Variants in RANBP2 observed in about 807,000 individuals in gnomAD.
The protein encoded by RANBP2 is E3 SUMO-protein ligase RanBP2.
A neutral mutation model predicts 303.6 loss-of-function variants in RANBP2; 57 were observed. That is an observed-to-expected ratio of 0.19 (90% confidence interval 0.15 to 0.23). The LOEUF (loss-of-function observed/expected upper bound fraction) is 0.23. RANBP2 is among the 10% of genes least tolerant of loss of function. RANBP2 has a pLI of 1.00. For synonymous variants in RANBP2, 1,167 were observed against 1,301.5 expected, an observed-to-expected ratio of 0.90 and a Z score of 2.23; for missense variants, 3,138 against 3,780.8, an observed-to-expected ratio of 0.83 and a Z score of 4.46.
At chr2:108,945,207 C>T in the RANBP2 span, among the ~76,000 whole-genome samples, 1 of 152,138 alleles carries the variant, frequency 6.6e-6, no homozygotes, top group Non-Finnish European at 1.5e-5. Context: ...GGGGCGAGCT[C>T]CCCGTCCTGG....
chr2:109,107,749 C>CT, the RANBP2 span, among the ~76,000 whole-genome samples: 4 of 151,628 alleles, frequency 2.6e-5, no homozygotes, highest in South Asian at 2.1e-4. Context: ...CTTTTTTTTT[C>CT]TTTTTTTTGA....
the RANBP2 span, among the ~76,000 whole-genome samples, chr2:108,853,931 A>AT: frequency 3.2e-5 from 4 of 123,940 alleles, no homozygotes; most frequent in African/African-American, 1.3e-4. Flanking sequence ...TATTATATAT[A>AT]ATTTATATAT....
At chr2:109,577,767 GC>G in the RANBP2 span, among the ~76,000 whole-genome samples, 11 of 151,484 alleles carry the variant, frequency 7.3e-5, no homozygotes, top group Admixed American at 7.2e-4. Flanking sequence ...ACAAAAATTA[GC>G]CAGGTGGGGT....
At chr2:108,934,926 C>T in the RANBP2 span, among the ~76,000 whole-genome samples, 1 of 152,226 alleles carries the variant, frequency 6.6e-6, no homozygotes, top group Admixed American at 6.5e-5. Flanking sequence ...TGCTGCTTAA[C>T]TTGTGGAACT....
At chr2:109,473,115 A>C in the RANBP2 span, among the ~76,000 whole-genome samples, 1 of 152,232 alleles carries the variant, frequency 6.6e-6, no homozygotes, top group Admixed American at 6.5e-5. Flanking sequence ...CCTGGCATTT[A>C]ATCGCCCCTC....
the RANBP2 span, among the ~76,000 whole-genome samples, chr2:109,369,715 G>A: frequency 6.6e-6 from 1 of 152,156 alleles, no homozygotes; most frequent in Admixed American, 6.5e-5. Context: ...CCCTCCTTCT[G>A]TGTGATCCCA....
the RANBP2 span, among the ~76,000 whole-genome samples, chr2:109,167,012 A>G: frequency 6.6e-6 from 1 of 152,194 alleles, no homozygotes; most frequent in Non-Finnish European, 1.5e-5. Flanking sequence ...AGCAATGCTA[A>G]AAGAACAATA....
the RANBP2 span, among the ~76,000 whole-genome samples, chr2:109,170,533 A>G: frequency 6.6e-6 from 1 of 151,852 alleles, no homozygotes; most frequent in Admixed American, 6.6e-5. Flanking sequence ...TTTAGTAGAG[A>G]TGGGGTTTCA....
the RANBP2 span, chr2:109,127,326 C>G: frequency 6.6e-6 from 1 of 152,042 alleles, no homozygotes; most frequent in Admixed American, 6.6e-5. Context: ...GAGACGTATC[C>G]TTTCATTAAT....
chr2:109,210,121 G>A, the RANBP2 span, among the ~76,000 whole-genome samples: 6 of 152,108 alleles, frequency 3.9e-5, no homozygotes, highest in African/African-American at 9.7e-5. Flanking sequence ...CGACATAGCC[G>A]CATGCGTCAC....
rs780734900 is a variant in RANBP2, at chr2:108,751,918, A to G, written c.1679A>G (p.Asn560Ser). The G allele has an allele frequency of 3.5e-5, 57 of 1,611,878 alleles. No homozygotes were observed. Among genetic ancestry groups the G allele is most frequent in the Middle Eastern group, 4.5e-4 (2 of 4,452 alleles). Residue 560 changes from asparagine (N) to serine (S), a missense_variant, in exon 12 of 29, where the codon AAC (asparagine) becomes AGC (serine). Coordinates refer to ENST00000283195, the MANE Select transcript of RANBP2 (RefSeq NM_006267.5). ...KLRLLVQHEI[N>S]TLRAQEKHGL... The stretch of plus-strand genomic sequence containing the variant: ...AGACTTCTAGTTCAGCATGAAATAA[A>G]CACTCTAAGAGCCCAGGAAAAACAT...
the RANBP2 span, among the ~76,000 whole-genome samples, chr2:109,376,838 A>G: frequency 6.6e-6 from 1 of 152,250 alleles, no homozygotes; most frequent in East Asian, 1.9e-4. Flanking sequence ...CATCTCTGAC[A>G]GTAAAGGGCG....
chr2:109,129,159 G>T, the RANBP2 span: 1 of 410,540 alleles, frequency 2.4e-6, no homozygotes, highest in Non-Finnish European at 4.7e-6. Context: ...GCCGCTGCCC[G>T]CACTTCCTGC....
At chr2:109,204,371 CTT>C in the RANBP2 span, among the ~76,000 whole-genome samples, 11 of 152,212 alleles carry the variant, frequency 7.2e-5, no homozygotes, top group Middle Eastern at 3.2e-3. Flanking sequence ...CTTATCTTAT[CTT>C]TTAAATCATT....
At chr2:109,613,225 G>GT in the RANBP2 span, 3 of 1,275,694 alleles carry the variant, frequency 2.4e-6, no homozygotes, top group Non-Finnish European at 3.1e-6. Context: ...ATCTACAAAA[G>GT]TAACTGGAAA....
the RANBP2 span, among the ~76,000 whole-genome samples, chr2:109,463,674 G>A: frequency 6.6e-6 from 1 of 152,200 alleles, no homozygotes; most frequent in Admixed American, 6.5e-5. Flanking sequence ...AAGAGGAGAT[G>A]TTCATGTTTG....
the RANBP2 span, among the ~76,000 whole-genome samples, chr2:108,792,308 T>C: frequency 6.6e-6 from 1 of 152,222 alleles, no homozygotes; most frequent in Non-Finnish European, 1.5e-5. Flanking sequence ...TTTTCCTCTT[T>C]TCCCTCTCCT....
chr2:108,867,348 G>A, the RANBP2 span, among the ~76,000 whole-genome samples: 2 of 152,110 alleles, frequency 1.3e-5, no homozygotes, highest in Non-Finnish European at 2.9e-5. Context: ...TTTAGGAATT[G>A]AAAAAGCAAG....
the RANBP2 span, among the ~76,000 whole-genome samples, chr2:109,110,512 A>C: frequency 1.3e-5 from 2 of 152,202 alleles, no homozygotes; most frequent in Non-Finnish European, 2.9e-5. Context: ...ATCACCCATA[A>C]AAATAACACC....
Sources: allele counts gnomAD v4.1 joint callset (sites outside exome capture counted in the v4.1 genomes callset), GRCh38; gene constraint gnomAD v4.1.1; transcripts MANE v1.5; gene names NCBI Gene and HGNC (gene_info 2026-07-23, HGNC 2026-07-21).